The following ROPN1L variants were observed in gnomAD, a reference collection of about 807,000 sequenced individuals.
ROPN1L encodes rhophilin associated tail protein 1 like.
In ROPN1L, 23 loss-of-function variants were observed where a neutral mutation model predicts 22.7. The ratio of observed to expected loss-of-function variants is 1.01; its 90% CI spans 0.73 to 1.43. The LOEUF (loss-of-function observed/expected upper bound fraction) is 1.43. Ranked by LOEUF, ROPN1L falls within the 40% of genes most tolerant of loss-of-function variation. ROPN1L has a pLI of 0.00. For missense variants in ROPN1L, 271 were observed against 291.5 expected (o/e 0.93, Z 0.51); for synonymous variants, 116 against 117.8 (o/e 0.98, Z 0.10).
downstream of ROPN1L, among the ~76,000 whole-genome samples, chr5:10,473,274 A>G (rs1000933970): frequency 6.6e-6 from 1 of 152,180 alleles, no homozygotes; most frequent in African/African-American, 2.4e-5. Context: ...TAATTTAAGG[A>G]TCACAAGATG....
chr5:10,462,104 G>T (rs1315862849), intron 4 of ROPN1L, among the ~76,000 whole-genome samples: 1 of 152,178 alleles, frequency 6.6e-6, no homozygotes, highest in Non-Finnish European at 1.5e-5. Flanking sequence ...CACCTCCAAG[G>T]TTGGGCTGGG....
intron 3 of ROPN1L, among the ~76,000 whole-genome samples, chr5:10,454,843 T>C (rs901151877): frequency 1.3e-5 from 2 of 152,198 alleles, no homozygotes; most frequent in Non-Finnish European, 2.9e-5. Context: ...ACCATCAGGA[T>C]TGCAGGCTGG....
chr5:10,481,681 C>T, the ROPN1L span, among the ~76,000 whole-genome samples: 12 of 152,178 alleles, frequency 7.9e-5, no homozygotes, highest in South Asian at 2.1e-4. Context: ...CCCAAAACCC[C>T]ATGGGGGTGA....
intron 4 of ROPN1L, 84 bp downstream of exon 4, chr5:10,461,443 C>G: frequency 1.7e-6 from 2 of 1,196,734 alleles, no homozygotes; most frequent in Non-Finnish European, 2.4e-6. Flanking sequence ...GGGAAAAACT[C>G]AGTTTTTCCT....
chr5:10,467,547 C>T (rs1190179588), downstream of ROPN1L, among the ~76,000 whole-genome samples: 1 of 152,194 alleles, frequency 6.6e-6, no homozygotes, highest in Non-Finnish European at 1.5e-5. Flanking sequence ...ACTGAATCCA[C>T]AGGCTGCAAG....
downstream of ROPN1L, among the ~76,000 whole-genome samples, chr5:10,468,011 C>T (rs531318018): frequency 3.9e-5 from 6 of 152,374 alleles, no homozygotes; most frequent in East Asian, 1.9e-4. Context: ...GAGACTCAGA[C>T]GCACAGCCCT....
At chr5:10,457,040 A>G (rs1202353454) in intron 3 of ROPN1L, among the ~76,000 whole-genome samples, 1 of 152,218 alleles carries the variant, frequency 6.6e-6, no homozygotes, top group African/African-American at 2.4e-5. Context: ...TCAAGCAAGG[A>G]ACATGGATTG....
downstream of ROPN1L, among the ~76,000 whole-genome samples, chr5:10,468,579 T>A (rs771931711): frequency 6.6e-6 from 1 of 152,240 alleles, no homozygotes; most frequent in Non-Finnish European, 1.5e-5. Flanking sequence ...ATGGTTTATT[T>A]AATAACTACA....
chr5:10,473,651 A>G (rs1313211223), downstream of ROPN1L, among the ~76,000 whole-genome samples: 2 of 152,210 alleles, frequency 1.3e-5, no homozygotes, highest in African/African-American at 4.8e-5. Context: ...TTGCAAACCA[A>G]GTCCAAAGGG....
intron 1 of ROPN1L, among the ~76,000 whole-genome samples, chr5:10,446,660 C>A (rs372498097): frequency 4.2e-4 from 59 of 142,164 alleles, no homozygotes; most frequent in Admixed American, 5.6e-4. Context: ...GACTCTATCT[C>A]AAAAAAAAAA....
In ROPN1L at chr5:10,450,010, G is replaced by A. The variant is rs373418882; in HGVS notation, c.314G>A (p.Cys105Tyr). ...CTTGAGCAGAAGTGGAAGAACTTGT[G>A]CCTGCCGAAGGAAAAATTCAAAGCG... ...TDLEQKWKNL[C>Y]LPKEKFKALL... Residue 105 changes from cysteine (C) to tyrosine (Y), a missense_variant, in exon 3 of 5, where the codon TGC becomes TAC. Transcript: ENST00000274134. 6.2e-7 allele frequency: 1 copy of A among 1,613,958 alleles called. No individual in the cohort carries two copies. Among genetic ancestry groups the A allele is most frequent in the South Asian group, 1.1e-5 (1 of 91,054 alleles).
the ROPN1L span, among the ~76,000 whole-genome samples, chr5:10,478,545 G>A: frequency 6.6e-5 from 10 of 152,130 alleles, no homozygotes; most frequent in South Asian, 2.1e-4. Context: ...ATTCCTTGGC[G>A]TGTGGGTGCA....
chr5:10,461,228 C>A lies in ROPN1L; in HGVS notation c.462C>A (p.Asp154Glu). 1.2e-6 allele frequency: 2 copies of A among 1,614,142 alleles called. No individual in the cohort carries two copies. The highest frequency in any genetic ancestry group is 1.1e-5 in the South Asian group (1 of 91,084). Residue 154 changes from aspartate to glutamate, a missense_variant, in exon 4 of 5, where the codon GAC becomes GAA. By Grantham distance (45) the Asp-to-Glu change is conservative. Coordinates refer to ENST00000274134, the MANE Select transcript of ROPN1L (RefSeq NM_031916.5). ...AGCACCTGTGCGAGATCCTCACGGACGATCCGGAGGGCGGGCCCGCTCGCA... is the reference window on the plus strand; with the variant it reads ...AGCACCTGTGCGAGATCCTCACGGAAGATCCGGAGGGCGGGCCCGCTCGCA... ...ALKHLCEILT[D>E]DPEGGPARIP... is the part of the protein sequence containing the mutation.
chr5:10,448,346 G>C lies in ROPN1L; in HGVS notation c.218G>C (p.Gly73Ala). Residue 73 changes from glycine (G) to alanine (A), a missense_variant, in exon 2 of 5, where the codon GGC becomes GCC. Physicochemically the swap from Gly to Ala is moderately conservative, Grantham distance 60. Coordinates refer to ENST00000274134, the MANE Select transcript of ROPN1L (RefSeq NM_031916.5). ...ACGGCAACCCAGAAAACAGACACAG[G>C]CCTGACTCAAGGACTCCTGAAAGTT... is the stretch of plus-strand genomic sequence containing the variant. ...MPTATQKTDT[G>A]LTQGLLKVLH... is the part of the protein sequence containing the mutation. 1 of 1,614,210 alleles carries C rather than the reference G, an allele frequency of 6.2e-7. No individual in the cohort carries two copies.
At position 10,442,296 on chromosome 5, in the gene ROPN1L, G is replaced by A; in HGVS notation, c.129G>A (p.Ala43=). The change falls in exon 1 of 5, where the codon GCG becomes GCA. Residue 43 remains alanine, a splice_region_variant and synonymous_variant. Transcript: ENST00000274134. ...TQPADVLRWS[A]GYFSALSRGD... ...CGGCCGACGTGCTGCGGTGGTCCGC[G>A]GGGTAAGCGCCCTTGGCCCGGGGAG... 13 of 1,613,036 alleles carry A rather than the reference G, an allele frequency of 8.1e-6. No homozygotes were observed. Among genetic ancestry groups the A allele is most frequent in the Non-Finnish European group, 1.1e-5 (13 of 1,179,776 alleles).
Position 10,442,016 on chromosome 5 carries a change from C to T in ROPN1L, c.-152C>T. The stretch of plus-strand genomic sequence containing the variant: ...CGCGGAGGAGCGGGTAAGAGCCCCG[C>T]GAATCCGGCCCCAACCTCGGGAACG... On this transcript the variant is annotated 5_prime_UTR_variant, in exon 1 of 5. Coordinates refer to ENST00000274134, the MANE Select transcript of ROPN1L (RefSeq NM_031916.5). 1 of 1,082,688 alleles carries T rather than the reference C, an allele frequency of 9.2e-7. No individual in the cohort carries two copies. Among genetic ancestry groups the T allele is most frequent in the South Asian group, 1.5e-5 (1 of 65,046 alleles). 67.1% of individuals were successfully genotyped at this position (1,082,688 alleles called of 1,614,324 possible).
At position 10,446,244 on chromosome 5, in the gene ROPN1L, T is replaced by C. The variant is rs906060724; in HGVS notation, c.132-2016T>C. 2.0e-5 allele frequency among the ~76,000 whole-genome samples: 3 copies of C among 152,202 alleles called. No homozygotes were observed. In the East Asian group the frequency reaches 5.8e-4, roughly 29 times the overall value. Reference sequence around the variant, plus strand: ...AAGCAGGCATTTCCAGCCTCGGCCCTACTGACAGTTGGGGAGGGCACAGGA... The same window carrying C: ...AAGCAGGCATTTCCAGCCTCGGCCCCACTGACAGTTGGGGAGGGCACAGGA... On this transcript the variant is annotated intron_variant, in intron 1 of 4. Transcript: ENST00000274134.
chr5:10,454,330 C>T (rs1561172101), intron 3 of ROPN1L, among the ~76,000 whole-genome samples: 1 of 152,118 alleles, frequency 6.6e-6, no homozygotes, highest in Admixed American at 6.5e-5. Context: ...TGCCATGTTG[C>T]CCAGGGTGAT....
At chr5:10,462,731 T>C (rs1025086477) in intron 4 of ROPN1L, among the ~76,000 whole-genome samples, 10 of 151,922 alleles carry the variant, frequency 6.6e-5, no homozygotes, top group African/African-American at 2.4e-4. Context: ...CCATCTCTAC[T>C]AAAAAAATAA....
Sources: gnomAD v4.1 joint callset for allele counts (sites outside exome capture counted in the v4.1 genomes callset) on GRCh38, gnomAD v4.1.1 for gene constraint, MANE v1.5 for transcripts, NCBI Gene and HGNC (gene_info 2026-07-23, HGNC 2026-07-21) for gene names.